The following PRKAG2 variants were observed in gnomAD, a reference collection of about 807,000 sequenced individuals.
The protein encoded by PRKAG2 is protein kinase AMP-activated non-catalytic subunit gamma 2.
PRKAG2 carries 26 observed loss-of-function variants against 69.6 expected under a neutral mutation model. The ratio of observed to expected loss-of-function variants is 0.37; its 90% CI spans 0.27 to 0.52. The LOEUF (loss-of-function observed/expected upper bound fraction) is 0.52. Among genes scored for constraint, PRKAG2 ranks in the 20% least tolerant of loss-of-function variants. PRKAG2 has a pLI of 0.90. For synonymous variants in PRKAG2, 293 were observed against 285.0 expected, an observed-to-expected ratio of 1.03 and a Z score of -0.28; for missense variants, 557 against 740.0, an observed-to-expected ratio of 0.75 and a Z score of 2.87.
chr7:151,712,956 G>C (rs73484132), intron 3 of PRKAG2, among the ~76,000 whole-genome samples: 2,097 of 152,350 alleles, frequency 0.014, 45 homozygotes, highest in African/African-American at 0.048. Flanking sequence ...AGACAGGATT[G>C]TCATGGAGAG....
chr7:151,659,898 C>A (rs975449512), intron 4 of PRKAG2, among the ~76,000 whole-genome samples: 1 of 152,154 alleles, frequency 6.6e-6, no homozygotes, highest in Non-Finnish European at 1.5e-5. Context: ...ACGGCTCATG[C>A]GAAATTATTT....
chr7:151,795,504 A>G (rs913546893), intron 1 of PRKAG2, among the ~76,000 whole-genome samples: 10 of 152,154 alleles, frequency 6.6e-5, no homozygotes, highest in Admixed American at 2.0e-4. Context: ...ACCACATCCC[A>G]TCGTGGAGTC....
At chr7:151,677,755 C>T (rs1401185047) in intron 3 of PRKAG2, among the ~76,000 whole-genome samples, 2 of 152,176 alleles carry the variant, frequency 1.3e-5, no homozygotes, top group African/African-American at 2.4e-5. Flanking sequence ...AAGACAAATG[C>T]TGAGCTGTAA....
rs535876515 is a variant in PRKAG2, at chr7:151,808,541, G to A, written c.115-22000C>T. 5.9e-5 allele frequency among the ~76,000 whole-genome samples: 9 copies of A among 152,166 alleles called. 2 individuals are homozygous for A. The highest frequency in any genetic ancestry group is 1.7e-4 in the African/African-American group (7 of 41,506). ...GCCTGGTGATGCACAGTCAGCAGAC[G>A]GGCGAGACCCAGGAACGTGTACTGT... On this transcript the variant is annotated intron_variant, in intron 1 of 15. Transcript: ENST00000287878.
rs200253235 is a variant in PRKAG2 at position 151,867,803 on chromosome 7, GCTCT to G, written c.114+8700_114+8703del. On this transcript the variant is annotated intron_variant, in intron 1 of 15. Transcript: ENST00000287878. ...TGCGTAAACATAGTTCTTAGCAATGGCTCTCTATTTCTTTATTCACAAGTGGAGA... is the reference window on the plus strand; with the variant it reads ...TGCGTAAACATAGTTCTTAGCAATGGCTATTTCTTTATTCACAAGTGGAGA... Among the ~76,000 whole-genome samples, 1,164 of 152,278 alleles carry G rather than the reference GCTCT, an allele frequency of 7.6e-3. 5 individuals carry two copies. The highest frequency in any genetic ancestry group is 0.012 in the Non-Finnish European group (843 of 68,028).
At position 151,850,699 on chromosome 7, in the gene PRKAG2, G is replaced by A. The variant is rs906613730; in HGVS notation, c.114+25808C>T. 3.9e-5 allele frequency among the ~76,000 whole-genome samples: 6 copies of A among 152,154 alleles called. No homozygotes were observed. The highest frequency in any genetic ancestry group is 7.2e-5 in the African/African-American group (3 of 41,430). On this transcript the variant is annotated intron_variant, in intron 1 of 15. Coordinates refer to ENST00000287878, the MANE Select transcript of PRKAG2 (RefSeq NM_016203.4). This position sits in a 1 kb window ranked among gnomAD's most constrained non-coding sequence, Gnocchi z 4.1. ...CCTTGTGCCCCACCAGCATCCACCC[G>A]CCCCACCGGCTTCTGCCAGAGGGAG...
intron 13 of PRKAG2, among the ~76,000 whole-genome samples, chr7:151,564,680 T>C (rs1160823827): frequency 2.0e-5 from 3 of 151,926 alleles, no homozygotes; most frequent in African/African-American, 7.3e-5. Flanking sequence ...GGGGGACCCA[T>C]GGGGATCAAG....
At chr7:151,839,991 A>G (rs2079237936) in intron 1 of PRKAG2, among the ~76,000 whole-genome samples, 1 of 152,204 alleles carries the variant, frequency 6.6e-6, no homozygotes, top group Admixed American at 6.5e-5. Context: ...GAGATCAGAT[A>G]TCCCCCTAAC....
chr7:151,778,898 G>A (rs964729106), intron 3 of PRKAG2, among the ~76,000 whole-genome samples: 1 of 151,942 alleles, frequency 6.6e-6, no homozygotes, highest in African/African-American at 2.4e-5. Flanking sequence ...AAATAAAAAA[G>A]GTATATATGT....
At chr7:151,753,262 T>C (rs1040516542) in intron 3 of PRKAG2, among the ~76,000 whole-genome samples, 1 of 152,258 alleles carries the variant, frequency 6.6e-6, no homozygotes, top group Admixed American at 6.5e-5. Context: ...AAAATGTGAA[T>C]GAAGCCTGCA....
At chr7:151,830,787 C>CGG (rs58030412) in intron 1 of PRKAG2, among the ~76,000 whole-genome samples, 1,157 of 114,350 alleles carry the variant, frequency 0.01, 18 homozygotes, top group African/African-American at 0.016. Context: ...GGGGGCGGGG[C>CGG]GGGGGGGGGT....
chr7:151,829,474 A>C (rs369818536), intron 1 of PRKAG2, among the ~76,000 whole-genome samples: 1 of 150,966 alleles, frequency 6.6e-6, no homozygotes, highest in Non-Finnish European at 1.5e-5. Context: ...CAGTGCCTCA[A>C]AAGTTAAATG....
intron 3 of PRKAG2, among the ~76,000 whole-genome samples, chr7:151,712,802 G>A (rs1795538557): frequency 1.3e-5 from 2 of 152,248 alleles, no homozygotes; most frequent in Non-Finnish European, 1.5e-5. Flanking sequence ...TCTTTCCTGG[G>A]AGAGGTTCTG....
intron 6 of PRKAG2, among the ~76,000 whole-genome samples, chr7:151,581,416 T>G (rs1023926742): frequency 1.3e-5 from 2 of 152,198 alleles, no homozygotes; most frequent in African/African-American, 2.4e-5. Context: ...ATGAGTCCAA[T>G]GGATCTAAAC....
In PRKAG2 at chr7:151,632,214, G is replaced by A. The variant is rs959442113; in HGVS notation, c.685-76C>T. On this transcript the variant is annotated intron_variant, in intron 4 of 15. Coordinates refer to ENST00000287878, the MANE Select transcript of PRKAG2 (RefSeq NM_016203.4). This position sits in a 1 kb window ranked among gnomAD's most constrained non-coding sequence, Gnocchi z 4.2. ...CCGGCCGGCGGGCTCGCGGCCGGCC[G>A]AGCGCTGGGGCCTGGCTCTGCCGCG... 1.6e-5 allele frequency: 18 copies of A among 1,137,788 alleles called. No individual in the cohort carries two copies. The highest frequency in any genetic ancestry group is 7.2e-4 in the Middle Eastern group (2 of 2,762). The allele number at this position is 1,137,788 out of a possible 1,614,324, so 70.5% of individuals were successfully genotyped here.
intron 5 of PRKAG2, among the ~76,000 whole-genome samples, chr7:151,617,973 A>C (rs958454067): frequency 6.6e-6 from 1 of 152,196 alleles, no homozygotes; most frequent in Admixed American, 6.5e-5. Context: ...CTGAGTAAGA[A>C]ATAAGCAAAG....
chr7:151,586,431 T>C (rs1046474146), intron 6 of PRKAG2, among the ~76,000 whole-genome samples: 1 of 152,200 alleles, frequency 6.6e-6, no homozygotes, highest in Admixed American at 6.5e-5. Flanking sequence ...GAGAAATCTA[T>C]CTGCTCTTTC....
intron 1 of PRKAG2, among the ~76,000 whole-genome samples, chr7:151,833,676 G>A (rs1563739312): frequency 1.3e-5 from 2 of 152,216 alleles, no homozygotes; most frequent in Non-Finnish European, 2.9e-5. Flanking sequence ...TTCCAGGGGT[G>A]GGGGATAGTT....
chr7:151,792,584 C>T (rs1006932738), intron 1 of PRKAG2, among the ~76,000 whole-genome samples: 2 of 152,196 alleles, frequency 1.3e-5, no homozygotes, highest in African/African-American at 4.8e-5. Flanking sequence ...TTTTGTCTTA[C>T]AGAGCTCCTT....
Sources: gnomAD v4.1 joint callset for allele counts (sites outside exome capture counted in the v4.1 genomes callset) on GRCh38, gnomAD v4.1.1 for gene constraint, Gnocchi (gnomAD v3.1) non-coding constraint, MANE v1.5 for transcripts, NCBI Gene and HGNC (gene_info 2026-07-23, HGNC 2026-07-21) for gene names.